ZFYVE9: variants seen among roughly 807,000 people sequenced by gnomAD.
The protein encoded by ZFYVE9 is zinc finger FYVE domain-containing protein 9.
ZFYVE9 carries 43 observed loss-of-function variants against 126.7 expected under a neutral mutation model. The ratio of observed to expected loss-of-function variants is 0.34; its 90% CI spans 0.27 to 0.44. ZFYVE9 has a LOEUF of 0.44. ZFYVE9 is among the 20% of genes least tolerant of loss of function. The pLI is 1.00. For missense variants in ZFYVE9, 1,476 were observed against 1,697.0 expected (o/e 0.87, Z 2.29); for synonymous variants, 521 against 597.4 (o/e 0.87, Z 1.87).
intron 4 of ZFYVE9, among the ~76,000 whole-genome samples, chr1:52,253,464 G>A (rs1645472154): frequency 6.6e-6 from 1 of 152,158 alleles, no homozygotes; most frequent in African/African-American, 2.4e-5. Flanking sequence ...TAGTATGATA[G>A]ATAGTGAAAT....
At chr1:52,315,932 G>A (rs1378657313) in intron 13 of ZFYVE9, among the ~76,000 whole-genome samples, 4 of 151,906 alleles carry the variant, frequency 2.6e-5, no homozygotes, top group Non-Finnish European at 5.9e-5. Flanking sequence ...TTGGGAGGCC[G>A]AGGCAGGCAG....
At chr1:52,292,031 C>T (rs1645925635) in intron 10 of ZFYVE9, among the ~76,000 whole-genome samples, 1 of 151,912 alleles carries the variant, frequency 6.6e-6, no homozygotes, top group Admixed American at 6.6e-5. Flanking sequence ...GTAATCCCAG[C>T]ACTTTGGGAG....
In ZFYVE9 at chr1:52,239,149, G is replaced by T; in HGVS notation, c.1732G>T (p.Gly578Cys). ...SLPSISVPFG[G>C]ARPKQPSNLK... ...GCCATCTATCAGTGTTCCTTTTGGT[G>T]GTGCAAGACCCAAGCAACCTTCTAA... The change falls in exon 4 of 19, where the codon GGT becomes TGT. Residue 578 changes from glycine (G) to cysteine (C), a missense_variant. By Grantham distance (159) the Gly-to-Cys change is radical. This residue lies in a region of ZFYVE9 where 807 missense variants were observed against 794.6 expected (regional missense o/e 1.02). Coordinates refer to ENST00000287727, the MANE Select transcript of ZFYVE9 (RefSeq NM_004799.4). 6.2e-7 allele frequency: 1 copy of T among 1,614,000 alleles called. No individual in the cohort carries two copies. Among genetic ancestry groups the T allele is most frequent in the Non-Finnish European group, 8.5e-7 (1 of 1,179,982 alleles).
At chr1:52,336,754 A>C (rs899919199) in intron 15 of ZFYVE9, among the ~76,000 whole-genome samples, 1 of 152,092 alleles carries the variant, frequency 6.6e-6, no homozygotes, top group African/African-American at 2.4e-5. Context: ...GTGACTTCAC[A>C]AGGTGATTTT....
intron 1 of ZFYVE9, among the ~76,000 whole-genome samples, chr1:52,215,490 G>T (rs1337945730): frequency 2.0e-5 from 3 of 152,030 alleles, no homozygotes; most frequent in Non-Finnish European, 4.4e-5. Flanking sequence ...TATTTGTAAT[G>T]TCAGGAAATT....
intron 6 of ZFYVE9, among the ~76,000 whole-genome samples, chr1:52,268,000 C>T (rs1461534949): frequency 3.3e-5 from 5 of 152,158 alleles, no homozygotes. Context: ...CTTTAACATT[C>T]TTCAGGGCAT....
chr1:52,201,374 ATTT>A (rs11344134), intron 1 of ZFYVE9, among the ~76,000 whole-genome samples: 13 of 91,240 alleles, frequency 1.4e-4, no homozygotes, highest in South Asian at 3.9e-4. Flanking sequence ...GTTTTTGGTA[ATTT>A]TTTTTTTTTT....
rs1422185677 is a variant in ZFYVE9 at position 52,334,906 on chromosome 1, G to T, written c.3670+138G>T. 3 of 761,070 alleles carry T rather than the reference G, an allele frequency of 3.9e-6. No homozygotes were observed. In the African/African-American group the frequency reaches 5.3e-5, roughly 13 times the overall value. 47.1% of individuals were successfully genotyped at this position (761,070 alleles called of 1,614,324 possible). ...CTCTTCAGCAAATTAAAACTGCCAT[G>T]AGAGTGCTTAGTTCTCTGAAGAAAG... On this transcript the variant is annotated intron_variant, in intron 15 of 18. Transcript: ENST00000287727.
intron 1 of ZFYVE9, among the ~76,000 whole-genome samples, chr1:52,184,802 A>T (rs1049802908): frequency 3.9e-5 from 6 of 152,004 alleles, no homozygotes; most frequent in Non-Finnish European, 8.8e-5. Context: ...AGGAGGAGGG[A>T]TCACCTGAGG....
chr1:52,219,429 G>A (rs1391033423), intron 2 of ZFYVE9, among the ~76,000 whole-genome samples: 2 of 151,990 alleles, frequency 1.3e-5, no homozygotes, highest in Admixed American at 6.6e-5. Context: ...GTGGGTCCAT[G>A]CTTTTTTGGC....
At chr1:52,154,936 C>A (rs1267982197) in intron 1 of ZFYVE9, among the ~76,000 whole-genome samples, 1 of 152,128 alleles carries the variant, frequency 6.6e-6, no homozygotes, top group Non-Finnish European at 1.5e-5. Context: ...ATAGGATACC[C>A]CAAATAGCTA....
chr1:52,172,843 A>G (rs918718283), intron 1 of ZFYVE9, among the ~76,000 whole-genome samples: 5 of 151,972 alleles, frequency 3.3e-5, no homozygotes, highest in Admixed American at 6.6e-5. Flanking sequence ...ATTTTTGTAC[A>G]TTGATTTTGT....
At chr1:52,301,289 A>G (rs1387010420) in intron 12 of ZFYVE9, among the ~76,000 whole-genome samples, 1 of 68,676 alleles carries the variant, frequency 1.5e-5, no homozygotes, top group East Asian at 3.7e-4. Context: ...TTCTTTTTCC[A>G]TCTTTTTTTT....
intron 13 of ZFYVE9, among the ~76,000 whole-genome samples, chr1:52,325,993 C>G (rs1340172750): frequency 6.6e-6 from 1 of 152,174 alleles, no homozygotes; most frequent in Non-Finnish European, 1.5e-5. Flanking sequence ...TTCCGGGACT[C>G]CAAGGGTGGG....
At chr1:52,261,520 G>GTAC (rs1645580446) in intron 4 of ZFYVE9, among the ~76,000 whole-genome samples, 1 of 152,154 alleles carries the variant, frequency 6.6e-6, no homozygotes, top group Non-Finnish European at 1.5e-5. Context: ...GTAGCTTGGT[G>GTAC]CCCAGTACAT....
chr1:52,204,684 G>A (rs530125830), intron 1 of ZFYVE9, among the ~76,000 whole-genome samples: 10 of 151,950 alleles, frequency 6.6e-5, no homozygotes, highest in African/African-American at 2.2e-4. Flanking sequence ...CTGAGATCTC[G>A]CCACTGCACT....
intron 1 of ZFYVE9, among the ~76,000 whole-genome samples, chr1:52,185,299 G>GA (rs1644755001): frequency 1.3e-5 from 2 of 151,868 alleles, no homozygotes; most frequent in East Asian, 1.9e-4. Context: ...TTTAAGAAGA[G>GA]AAAAAAACAG....
chr1:52,241,124 T>A (rs999540337), intron 4 of ZFYVE9, among the ~76,000 whole-genome samples: 1 of 152,242 alleles, frequency 6.6e-6, no homozygotes, highest in Non-Finnish European at 1.5e-5. Context: ...TTTGCTTCAC[T>A]ATAGTAACCT....
intron 2 of ZFYVE9, among the ~76,000 whole-genome samples, chr1:52,230,356 G>C (rs1381221380): frequency 2.0e-5 from 3 of 152,020 alleles, no homozygotes; most frequent in African/African-American, 7.2e-5. Flanking sequence ...GCAGTGCGCA[G>C]GTGGGCATCC....
Sources: allele counts gnomAD v4.1 joint callset (sites outside exome capture counted in the v4.1 genomes callset), GRCh38; gene constraint gnomAD v4.1.1; regional missense constraint gnomAD v4.1.1; transcripts MANE v1.5; gene names NCBI Gene and HGNC (gene_info 2026-07-23, HGNC 2026-07-21).